Variants in DACH1 observed in about 807,000 individuals in gnomAD.
The protein encoded by DACH1 is dachshund family transcription factor 1, also known as dachshund homolog 1.
In DACH1, 12 loss-of-function variants were observed where a neutral mutation model predicts 54.2. That is an observed-to-expected ratio of 0.22 (90% CI 0.14 to 0.36). The LOEUF is 0.36. Ranked by LOEUF, DACH1 falls within the 10% of genes least tolerant of loss-of-function variation. DACH1 has a pLI of 1.00. For synonymous variants in DACH1, 386 were observed against 366.2 expected (o/e 1.05, Z -0.62); for missense variants, 805 against 929.8 (o/e 0.87, Z 1.75).
chr13:71,866,491 G>A lies in DACH1; in HGVS notation c.279C>T (p.Gly93=). ...GGGGGSSGNG[G]GGGGGGGGSN... The stretch of plus-strand genomic sequence containing the variant: ...TGCCACCGCCGCCGCCGCCACCGCC[G>A]CCTCCGTTGCCGCTGCTGCCGCCGC... Residue 93 remains glycine (G), a synonymous_variant, in exon 1 of 11, where the codon GGC becomes GGT. Transcript: ENST00000613252. 3 of 1,238,814 alleles carry A rather than the reference G, an allele frequency of 2.4e-6. No homozygotes were observed. The highest frequency in any genetic ancestry group is 7.5e-5 in the Admixed American group (2 of 26,720). The allele number at this position is 1,238,814 out of a possible 1,614,324, so 76.7% of individuals were successfully genotyped here. A position where few individuals can be genotyped will look rare whatever the true frequency, so the allele number is the denominator to read the frequency against.
chr13:71,866,385 CGACGCCGCCGCCAGCGCT>C lies in DACH1; in HGVS notation c.367_384del (p.Ser123_Val128del). 1 of 1,493,222 alleles carries C rather than the reference CGACGCCGCCGCCAGCGCT, an allele frequency of 6.7e-7. No individual in the cohort carries two copies. 92.5% of individuals were successfully genotyped at this position (1,493,222 alleles called of 1,614,324 possible). The stretch of plus-strand genomic sequence containing the variant: ...CTGGCGTTGATGGGGGTGCTGGAAG[CGACGCCGCCGCCAGCGCT>C]GATGCCGCCGCCGCCGCCGCCGCTG... On this transcript the variant is annotated inframe_deletion, in exon 1 of 11. Transcript: ENST00000613252.
chr13:71,828,127 G>A (rs1281413093), intron 1 of DACH1, among the ~76,000 whole-genome samples: 8 of 151,932 alleles, frequency 5.3e-5, no homozygotes, highest in South Asian at 2.1e-4. Context: ...CCACCTTTCC[G>A]CTCCTCTGTG....
At chr13:71,573,579 G>T in intron 3 of DACH1, 2 of 523,798 alleles carry the variant, frequency 3.8e-6, no homozygotes, top group South Asian at 3.0e-5. Context: ...GCTGCCTGTG[G>T]GGAATGAATA....
intron 1 of DACH1, among the ~76,000 whole-genome samples, chr13:71,849,503 T>G (rs1161464499): frequency 6.6e-6 from 1 of 152,226 alleles, no homozygotes; most frequent in Non-Finnish European, 1.5e-5. Context: ...GCAGTCAATG[T>G]GATTTATTAG....
At chr13:71,642,791 C>A (rs939541618) in intron 2 of DACH1, among the ~76,000 whole-genome samples, 1 of 151,986 alleles carries the variant, frequency 6.6e-6, no homozygotes, top group African/African-American at 2.4e-5. Flanking sequence ...GAGGCCGAGG[C>A]GAGCAGATCA....
At chr13:71,575,379 T>C (rs1039755887) in intron 3 of DACH1, among the ~76,000 whole-genome samples, 1 of 152,020 alleles carries the variant, frequency 6.6e-6, no homozygotes, top group Non-Finnish European at 1.5e-5. Context: ...ACATTCATTA[T>C]TTTGGATTCA....
chr13:71,650,613 T>C (rs1878600131), intron 2 of DACH1, among the ~76,000 whole-genome samples: 1 of 152,198 alleles, frequency 6.6e-6, no homozygotes, highest in Admixed American at 6.5e-5. Context: ...ACTTTCTCTC[T>C]CTGTGAGGTA....
At chr13:71,807,392 C>T (rs944083724) in intron 1 of DACH1, among the ~76,000 whole-genome samples, 22 of 130,300 alleles carry the variant, frequency 1.7e-4, no homozygotes, top group South Asian at 9.4e-4. Flanking sequence ...CATTTTATAA[C>T]GTTCTGTCAG....
At chr13:71,777,657 C>T (rs1886120807) in intron 1 of DACH1, among the ~76,000 whole-genome samples, 1 of 152,012 alleles carries the variant, frequency 6.6e-6, no homozygotes, top group South Asian at 2.1e-4. Flanking sequence ...TAGATTGGAG[C>T]TATATTTTTT....
In DACH1 at chr13:71,750,078, C is replaced by T. The variant is rs73525422; in HGVS notation, c.849-68168G>A. Among the ~76,000 whole-genome samples, 1,202 of 152,270 alleles carry T rather than the reference C, an allele frequency of 7.9e-3. 22 individuals are homozygous for T. Among genetic ancestry groups the T allele is most frequent in the African/African-American group, 0.026 (1,080 of 41,556 alleles). On this transcript the variant is annotated intron_variant, in intron 1 of 10. Transcript: ENST00000613252. ...ATCATACAGAGTTCAAAAATTCTGT[C>T]ACATTCACTCTTAACAGCTTGCTTT... is the stretch of plus-strand genomic sequence containing the variant.
intron 1 of DACH1, among the ~76,000 whole-genome samples, chr13:71,821,523 G>A (rs1187064681): frequency 4.9e-5 from 4 of 81,382 alleles, no homozygotes; most frequent in Non-Finnish European, 9.7e-5. Flanking sequence ...GGCAACATCT[G>A]TTTTCTTCAA....
In DACH1 at chr13:71,866,728, G is replaced by A. The variant is rs754167852; in HGVS notation, c.42C>T (p.Val14=). 3.5e-6 allele frequency: 5 copies of A among 1,442,486 alleles called. No individual in the cohort carries two copies. Among genetic ancestry groups the A allele is most frequent in the East Asian group, 2.7e-5 (1 of 36,890 alleles). 89.4% of individuals were successfully genotyped at this position (1,442,486 alleles called of 1,614,324 possible). A position where few individuals can be genotyped will look rare whatever the true frequency, so the allele number is the denominator to read the frequency against. The stretch of plus-strand genomic sequence containing the variant: ...ACGTGGAGATTGGGGGTTGAGGGGG[G>A]ACCAGCTGGGTCGGAGGGATCAAAG... The part of the protein sequence containing the change: ...PAALIPPTQL[V]PPQPPISTSA... Residue 14 remains valine, a synonymous_variant, in exon 1 of 11, where the codon GTC becomes GTT. Coordinates refer to ENST00000613252, the MANE Select transcript of DACH1 (RefSeq NM_080759.6).
chr13:71,819,741 T>C (rs546616213), intron 1 of DACH1, among the ~76,000 whole-genome samples: 1 of 152,292 alleles, frequency 6.6e-6, no homozygotes, highest in East Asian at 1.9e-4. Context: ...TTAATTCTTA[T>C]TCTTAGCACT....
intron 6 of DACH1, among the ~76,000 whole-genome samples, chr13:71,527,882 A>G (rs1440865302): frequency 6.6e-6 from 1 of 151,920 alleles, no homozygotes; most frequent in Non-Finnish European, 1.5e-5. Context: ...TAAAAAAAAA[A>G]TGACAAAGGT....
At position 71,669,823 on chromosome 13, in the gene DACH1, T is replaced by C. The variant is rs566505408; in HGVS notation, c.964+11972A>G. Among the ~76,000 whole-genome samples, 101 of 152,296 alleles carry C rather than the reference T, an allele frequency of 6.6e-4. 1 individual carries two copies. The highest frequency in any genetic ancestry group is 5.6e-4 in the Non-Finnish European group (38 of 68,034). ...AACATAATAGGTACCAATTCCTACC[T>C]GTAATGGCTGAACAAGTGAGGGCAG... On this transcript the variant is annotated intron_variant, in intron 2 of 10. Coordinates refer to ENST00000613252, the MANE Select transcript of DACH1 (RefSeq NM_080759.6).
chr13:71,482,104 G>A (rs752881595), intron 7 of DACH1, among the ~76,000 whole-genome samples: 1 of 152,186 alleles, frequency 6.6e-6, no homozygotes, highest in South Asian at 2.1e-4. Context: ...GCAATGGTGA[G>A]AGACAATAGT....
intron 3 of DACH1, among the ~76,000 whole-genome samples, chr13:71,589,798 C>A (rs1373026703): frequency 6.6e-6 from 1 of 151,854 alleles, no homozygotes; most frequent in East Asian, 1.9e-4. Context: ...ACAAAATTTG[C>A]TAACTTAATA....
intron 1 of DACH1, among the ~76,000 whole-genome samples, chr13:71,807,440 AT>A (rs1365572625): frequency 2.0e-5 from 3 of 150,726 alleles, no homozygotes; most frequent in Non-Finnish European, 3.0e-5. Context: ...AAAAAAAAAA[AT>A]CCTCAATATG....
At chr13:71,766,927 G>A (rs1019754456) in intron 1 of DACH1, among the ~76,000 whole-genome samples, 1 of 151,356 alleles carries the variant, frequency 6.6e-6, no homozygotes, top group Non-Finnish European at 1.5e-5. Flanking sequence ...GCAGATATAT[G>A]TGAAAAACTA....
Sources: gnomAD v4.1 joint callset for allele counts (sites outside exome capture counted in the v4.1 genomes callset) on GRCh38, gnomAD v4.1.1 for gene constraint, MANE v1.5 for transcripts, NCBI Gene and HGNC (gene_info 2026-07-23, HGNC 2026-07-21) for gene names.